Variants in SPAG17 observed in about 807,000 individuals in gnomAD.
The protein encoded by SPAG17 is sperm associated antigen 17, also known as sperm-associated antigen 17.
Under a neutral mutation model 273.6 loss-of-function variants are expected in SPAG17, and 169 were observed. That is an observed-to-expected ratio of 0.62 (90% CI 0.55 to 0.70). The LOEUF (loss-of-function observed/expected upper bound fraction) is 0.70, where lower values mean the gene tolerates loss of function less well. SPAG17 is among the 30% of genes least tolerant of loss of function. The probability of loss-of-function intolerance (pLI) is 0.00; values close to 1 mark genes in which losing one functional copy is unlikely to be tolerated. For synonymous variants in SPAG17, 825 were observed against 873.2 expected (o/e 0.94, Z 0.97); for missense variants, 2,557 against 2,627.8 (o/e 0.97, Z 0.59).
Position 118,021,524 on chromosome 1 carries a change from A to G in SPAG17, c.4069+1780T>C, listed in dbSNP as rs183522645. On this transcript the variant is annotated intron_variant, in intron 28 of 48. Transcript: ENST00000336338. ...ATAGAATGTACAACACCAAGAGTGAACCCTAATGTAAACTATGGGCTTTAG... is the reference window on the plus strand; with the variant it reads ...ATAGAATGTACAACACCAAGAGTGAGCCCTAATGTAAACTATGGGCTTTAG... Among the ~76,000 whole-genome samples the G allele has an allele frequency of 1.4e-4, 22 of 152,186 alleles. 1 individual carries two copies. In the East Asian group the frequency reaches 4.1e-3, roughly 28 times the overall value.
At chr1:118,130,936 T>C (rs1658022470) in intron 3 of SPAG17, among the ~76,000 whole-genome samples, 2 of 152,230 alleles carry the variant, frequency 1.3e-5, no homozygotes, top group Non-Finnish European at 2.9e-5. Context: ...ACCATGTTTT[T>C]AGAATCTGCT....
chr1:118,155,396 C>A (rs982444615), intron 1 of SPAG17, among the ~76,000 whole-genome samples: 1 of 152,180 alleles, frequency 6.6e-6, no homozygotes, highest in Admixed American at 6.5e-5. Flanking sequence ...TAAACAATTG[C>A]AAAAGCCTTT....
intron 43 of SPAG17, 83 bp downstream of exon 43, chr1:117,981,187 C>G: frequency 7.1e-7 from 1 of 1,408,682 alleles, no homozygotes; most frequent in Non-Finnish European, 9.4e-7. Context: ...CTCTCAACCT[C>G]GCCTCCTAGC....
chr1:118,022,193 C>A (rs1660563623), intron 28 of SPAG17, among the ~76,000 whole-genome samples: 1 of 152,094 alleles, frequency 6.6e-6, no homozygotes, highest in Non-Finnish European at 1.5e-5. Context: ...AGCTAAGAGA[C>A]CTCAAGGAAA....
intron 43 of SPAG17, among the ~76,000 whole-genome samples, chr1:117,978,012 T>G (rs1473495525): frequency 6.6e-6 from 1 of 152,222 alleles, no homozygotes; most frequent in African/African-American, 2.4e-5. Context: ...ATTTTTTACC[T>G]TGCCAACCCC....
intron 15 of SPAG17, among the ~76,000 whole-genome samples, chr1:118,076,133 T>C (rs1209675376): frequency 6.6e-6 from 1 of 151,996 alleles, no homozygotes; most frequent in African/African-American, 2.4e-5. Context: ...ATATTAAACG[T>C]GGAAATTAAC....
At chr1:118,065,560 C>T (rs1447832934) in intron 18 of SPAG17, among the ~76,000 whole-genome samples, 2 of 151,996 alleles carry the variant, frequency 1.3e-5, no homozygotes, top group Non-Finnish European at 2.9e-5. Context: ...CTATTCTAAA[C>T]AATACATTAG....
chr1:117,959,664 A>C (rs1652763039), intron 48 of SPAG17: 1 of 403,304 alleles, frequency 2.5e-6, no homozygotes, highest in Non-Finnish European at 4.3e-6. Flanking sequence ...TATTAGTTTA[A>C]AAATCTTTCT....
chr1:117,986,479 A>G (rs1027389284), intron 40 of SPAG17, among the ~76,000 whole-genome samples: 5 of 152,162 alleles, frequency 3.3e-5, no homozygotes, highest in South Asian at 2.1e-4. Context: ...ATCTAATTAT[A>G]TGTTTCACTC....
rs757858420 is a variant in SPAG17 at position 117,959,472 on chromosome 1, T to C, written c.*4327A>G. On this transcript the variant is annotated intron_variant, in intron 48 of 48. Coordinates refer to ENST00000336338, the MANE Select transcript of SPAG17 (RefSeq NM_206996.4). ...GAACTGAAATGTGGTATCTTTTTTT[T>C]TTTCAACTTTTTCCTTTAAAGGACT... The C allele has an allele frequency of 2.6e-6, 4 of 1,556,240 alleles. No homozygotes were observed. The South Asian group carries it at 3.7e-5, about 14-fold the overall frequency.
chr1:118,053,150 GA>G (rs1267394278), intron 20 of SPAG17, among the ~76,000 whole-genome samples: 1 of 151,878 alleles, frequency 6.6e-6, no homozygotes, highest in Non-Finnish European at 1.5e-5. Flanking sequence ...AACAGAAGAG[GA>G]AAACTAACAA....
At position 117,971,994 on chromosome 1, in the gene SPAG17, G is replaced by C; in HGVS notation, c.6195C>G (p.Ala2065=). 2 of 1,614,070 alleles carry C rather than the reference G, an allele frequency of 1.2e-6. No homozygotes were observed. Among genetic ancestry groups the C allele is most frequent in the Middle Eastern group, 1.6e-4 (1 of 6,062 alleles). Residue 2065 remains alanine, a synonymous_variant, in exon 45 of 49, where the codon GCC becomes GCG. Coordinates refer to ENST00000336338, the MANE Select transcript of SPAG17 (RefSeq NM_206996.4). ...AAAGGGATGACTTTGCATTATTAAT[G>C]GCAGCAGATGCAACAGAGGATGTGT... ...KVNTSSVASA[A]INNAKSSLFG... is the part of the protein sequence containing the mutation.
chr1:118,028,182 G>C (rs1321033202), intron 26 of SPAG17, 92 bp downstream of exon 26: 1 of 1,399,288 alleles, frequency 7.1e-7, no homozygotes, highest in African/African-American at 1.4e-5. Flanking sequence ...TCAACAAGAT[G>C]TATGTTTAAC....
chr1:118,153,772 C>T (rs980231671), intron 1 of SPAG17, among the ~76,000 whole-genome samples: 1 of 151,878 alleles, frequency 6.6e-6, no homozygotes, highest in African/African-American at 2.4e-5. Flanking sequence ...TGGCATGAAC[C>T]CAGGAGGCAG....
intron 32 of SPAG17, among the ~76,000 whole-genome samples, chr1:118,001,217 G>C (rs1658252831): frequency 6.6e-6 from 1 of 152,160 alleles, no homozygotes; most frequent in African/African-American, 2.4e-5. Flanking sequence ...GTTGGATTCA[G>C]TTTGCCAGTA....
At chr1:118,064,862 T>C (rs1001539251) in intron 18 of SPAG17, among the ~76,000 whole-genome samples, 1 of 151,750 alleles carries the variant, frequency 6.6e-6, no homozygotes, top group Admixed American at 6.6e-5. Flanking sequence ...TAAATGCTAA[T>C]AAGGAAAAAG....
intron 25 of SPAG17, 81 bp downstream of exon 25, chr1:118,031,611 T>C (rs1259199584): frequency 7.2e-7 from 1 of 1,393,180 alleles, no homozygotes; most frequent in African/African-American, 1.4e-5. Flanking sequence ...ATAATAACAC[T>C]ATTGACATAA....
intron 46 of SPAG17, 50 bp from the exon 47 acceptor site, chr1:117,966,803 T>A: frequency 6.7e-7 from 1 of 1,483,584 alleles, no homozygotes; most frequent in Non-Finnish European, 9.0e-7. Context: ...AGTTCAAACC[T>A]TGCTTTTAAT....
At chr1:117,977,135 C>T (rs947404763) in intron 43 of SPAG17, among the ~76,000 whole-genome samples, 1 of 148,372 alleles carries the variant, frequency 6.7e-6, no homozygotes, top group African/African-American at 2.5e-5. Context: ...CATAGTGAAA[C>T]CCCGTCTCTA....
Sources: gnomAD v4.1 joint callset for allele counts (sites outside exome capture counted in the v4.1 genomes callset) on GRCh38, gnomAD v4.1.1 for gene constraint, MANE v1.5 for transcripts, NCBI Gene and HGNC (gene_info 2026-07-23, HGNC 2026-07-21) for gene names.